FRMPD4: variants seen among roughly 807,000 people sequenced by gnomAD.
FRMPD4 encodes the protein FERM and PDZ domain containing 4.
FRMPD4 carries 22 observed loss-of-function variants against 94.1 expected under a neutral mutation model. The ratio of observed to expected loss-of-function variants is 0.23; its 90% CI spans 0.17 to 0.33. The LOEUF is 0.33. Ranked by LOEUF, FRMPD4 falls within the 10% of genes least tolerant of loss-of-function variation. FRMPD4 has a pLI of 1.00. For missense variants in FRMPD4, 1,111 were observed against 1,339.9 expected (o/e 0.83, Z 2.67); for synonymous variants, 631 against 548.6 (o/e 1.15, Z -2.10).
chrX:12,468,239 A>AT (rs1188302984), intron 1 of FRMPD4, among the ~76,000 whole-genome samples: 2 of 112,101 alleles, frequency 1.8e-5, no homozygotes, highest in Non-Finnish European at 3.8e-5. Flanking sequence ...CTGTGTGTAA[A>AT]TTTTTTGTCA....
intron 3 of FRMPD4, among the ~76,000 whole-genome samples, chrX:11,880,694 A>G (rs1044051492): frequency 9.0e-6 from 1 of 111,427 alleles, no homozygotes; most frequent in African/African-American, 3.3e-5. Flanking sequence ...CCAGGCTGGA[A>G]TACAGTGGCA....
chrX:12,018,843 G>A (rs1486003865), intron 3 of FRMPD4, among the ~76,000 whole-genome samples: 1 of 111,949 alleles, frequency 8.9e-6, no homozygotes, highest in Non-Finnish European at 1.9e-5. Context: ...AGGTACCACA[G>A]GTTAGGACTT....
At chrX:12,264,532 A>G (rs2054243956) in intron 1 of FRMPD4, among the ~76,000 whole-genome samples, 1 of 112,195 alleles carries the variant, frequency 8.9e-6, no homozygotes, top group Non-Finnish European at 1.9e-5. Context: ...TAATATGTCT[A>G]AAAATACTGT....
intron 3 of FRMPD4, among the ~76,000 whole-genome samples, chrX:12,105,073 A>G (rs950064318): frequency 2.7e-5 from 3 of 111,707 alleles, no homozygotes; most frequent in African/African-American, 9.7e-5. Context: ...CATAGTTATC[A>G]GTATGCTGAA....
At chrX:12,178,844 G>A (rs897172459) in intron 1 of FRMPD4, among the ~76,000 whole-genome samples, 9 of 111,991 alleles carry the variant, frequency 8.0e-5, no homozygotes, top group African/African-American at 2.9e-4. Flanking sequence ...TTTAATTGTG[G>A]AGTAAAGTTT....
Position 12,721,619 on chromosome X carries a change from C to T in FRMPD4, c.5050C>T (p.Leu1684=). Residue 1684 remains leucine, a synonymous_variant, in exon 17 of 17, where the codon CTA becomes TTA. Transcript: ENST00000675598. Reference sequence around the variant, plus strand: ...TTCCAGCTTTCAAGTGCTCTGTTGCCTAACAGAAGCTTGCATGCGATTAGT... The same window carrying T: ...TTCCAGCTTTCAAGTGCTCTGTTGCTTAACAGAAGCTTGCATGCGATTAGT... ...MTSSFQVLCC[L]TEACMRLVKV... The T allele has an allele frequency of 2.7e-6, 2 of 753,335 alleles. No homozygotes were observed. The highest frequency in any genetic ancestry group is 6.7e-5 in the South Asian group (1 of 14,840). The allele number at this position is 753,335 out of a possible 1,213,427, so 62.1% of individuals were successfully genotyped here.
At chrX:12,545,413 G>C (rs1317000195) in intron 2 of FRMPD4, among the ~76,000 whole-genome samples, 1 of 112,356 alleles carries the variant, frequency 8.9e-6, no homozygotes, top group Non-Finnish European at 1.9e-5. Flanking sequence ...CGCTTGCTCT[G>C]TATTAACTGC....
chrX:11,822,584 A>G (rs2053418853), exon 1 of FRMPD4, among the ~76,000 whole-genome samples: 1 of 112,153 alleles, frequency 8.9e-6, no homozygotes, highest in Non-Finnish European at 1.9e-5. Flanking sequence ...CCTCTTTTCC[A>G]CTCTGGGAAT....
At chrX:11,920,150 G>A (rs1018399996) in intron 3 of FRMPD4, among the ~76,000 whole-genome samples, 20 of 111,716 alleles carry the variant, frequency 1.8e-4, no homozygotes, top group African/African-American at 4.9e-4. Flanking sequence ...ATTCTGGGCC[G>A]TTGAGATTCT....
intron 14 of FRMPD4, 70 bp from the exon 15 acceptor site, chrX:12,715,999 C>CGGGGGGG: frequency 1.5e-5 from 5 of 337,356 alleles, no homozygotes; most frequent in Admixed American, 4.1e-5. Context: ...CAGAGACGAG[C>CGGGGGGG]CTCCCACCCC....
chrX:11,884,743 C>A (rs1352489497), intron 3 of FRMPD4, among the ~76,000 whole-genome samples: 2 of 111,369 alleles, frequency 1.8e-5, no homozygotes, highest in African/African-American at 6.5e-5. Context: ...AGCTTTATTA[C>A]CTTTTTATTA....
chrX:12,014,362 A>G (rs375334360), intron 3 of FRMPD4, among the ~76,000 whole-genome samples: 1 of 112,333 alleles, frequency 8.9e-6, no homozygotes, highest in Non-Finnish European at 1.9e-5. Context: ...AACTATTTTT[A>G]TGGCATTTAG....
At chrX:12,067,906 A>G (rs1300674336) in intron 3 of FRMPD4, among the ~76,000 whole-genome samples, 2 of 111,574 alleles carry the variant, frequency 1.8e-5, no homozygotes, top group African/African-American at 6.5e-5. Context: ...AGAACCAGTA[A>G]ATATGTTACC....
intron 1 of FRMPD4, among the ~76,000 whole-genome samples, chrX:12,329,869 AAAAAAC>A (rs1218757490): frequency 9.1e-6 from 1 of 109,379 alleles, no homozygotes; most frequent in African/African-American, 3.3e-5. Flanking sequence ...AAAAAAAAAA[AAAAAAC>A]AACAACAACA....
chrX:11,984,988 A>G (rs935389743), intron 3 of FRMPD4, among the ~76,000 whole-genome samples: 4 of 112,199 alleles, frequency 3.6e-5, no homozygotes, highest in Admixed American at 2.8e-4. Context: ...AAAATGAGGT[A>G]CTATTTCACA....
intron 1 of FRMPD4, among the ~76,000 whole-genome samples, chrX:12,341,898 T>G (rs2055620287): frequency 8.9e-6 from 1 of 112,082 alleles, no homozygotes; most frequent in African/African-American, 3.2e-5. Context: ...AACTAGAAGC[T>G]CTTATAGAAT....
At chrX:11,883,520 G>T (rs138861465) in intron 3 of FRMPD4, among the ~76,000 whole-genome samples, 1,132 of 111,485 alleles carry the variant, frequency 0.01, 19 homozygotes, top group African/African-American at 0.035. Flanking sequence ...CTCTAGGGGG[G>T]ATGGAAAATA....
chrX:12,453,165 A>AT (rs752398125), intron 1 of FRMPD4, among the ~76,000 whole-genome samples: 1 of 111,741 alleles, frequency 8.9e-6, no homozygotes, highest in Non-Finnish European at 1.9e-5. Context: ...ATCTCATGTG[A>AT]TTTTTCAAAA....
At chrX:12,626,813 ATCCTAGCACACC>A (rs1485840161) in intron 4 of FRMPD4, among the ~76,000 whole-genome samples, 1 of 107,739 alleles carries the variant, frequency 9.3e-6, no homozygotes, top group Non-Finnish European at 1.9e-5. Context: ...CAAAAATTAG[ATCCTAGCACACC>A]TGTCTTTTCA....
Sources: gnomAD v4.1 joint callset for allele counts (sites outside exome capture counted in the v4.1 genomes callset) on GRCh38, gnomAD v4.1.1 for gene constraint, MANE v1.5 for transcripts, NCBI Gene and HGNC (gene_info 2026-07-23, HGNC 2026-07-21) for gene names.